TCEA1: variants seen among roughly 807,000 people sequenced by gnomAD.
TCEA1 encodes transcription elongation factor A1.
TCEA1 carries 21 observed loss-of-function variants against 43.8 expected under a neutral mutation model. The ratio of observed to expected loss-of-function variants is 0.48; its 90% CI spans 0.34 to 0.69. TCEA1 has a LOEUF of 0.69. Ranked by LOEUF, TCEA1 falls within the 30% of genes least tolerant of loss-of-function variation. The pLI, the probability that TCEA1 is intolerant of heterozygous loss-of-function variation, is 0.01. For missense variants in TCEA1, 250 were observed against 365.1 expected, an observed-to-expected ratio of 0.68 and a Z score of 2.57; for synonymous variants, 104 against 117.5, an observed-to-expected ratio of 0.88 and a Z score of 0.75.
intron 4 of TCEA1, among the ~76,000 whole-genome samples, chr8:53,991,361 C>T (rs895458866): frequency 1.3e-5 from 2 of 151,688 alleles, no homozygotes; most frequent in African/African-American, 4.9e-5. Context: ...CCACTGCATT[C>T]CAGCCTGGGC....
Position 54,003,370 on chromosome 8 carries a change from T to C in TCEA1, c.127-3320A>G, listed in dbSNP as rs183565100. ...AGTGTAGAAATTGACAAGCGTACCC[T>C]AAAGTCCATACAGAAATGCAAAGGA... On this transcript the variant is annotated intron_variant, in intron 2 of 9. Transcript: ENST00000521604. Among the ~76,000 whole-genome samples the C allele has an allele frequency of 7.2e-5, 11 of 152,218 alleles. No homozygotes were observed. The East Asian group carries it at 1.5e-3, about 21-fold the overall frequency.
intron 5 of TCEA1, among the ~76,000 whole-genome samples, chr8:53,987,615 T>C (rs866625021): frequency 6.6e-6 from 1 of 152,196 alleles, no homozygotes; most frequent in Non-Finnish European, 1.5e-5. Context: ...TATTCCTGTA[T>C]ATAAAACTTT....
In TCEA1 at chr8:54,022,247, C is replaced by T. The variant is rs532634837; in HGVS notation, c.-122G>A. 5.8e-6 allele frequency: 7 copies of T among 1,213,430 alleles called. No homozygotes were observed. The highest frequency in any genetic ancestry group is 8.3e-6 in the Non-Finnish European group (7 of 846,368). The allele number at this position is 1,213,430 out of a possible 1,614,324, so 75.2% of individuals were successfully genotyped here. ...CAACCCCCACCACCGCAGGCCCGGGCCTAGGCCCCCTTCCTTACGAACGAA... is the reference window on the plus strand; with the variant it reads ...CAACCCCCACCACCGCAGGCCCGGGTCTAGGCCCCCTTCCTTACGAACGAA... On this transcript the variant is annotated 5_prime_UTR_variant, in exon 1 of 10. Transcript: ENST00000521604.
intron 1 of TCEA1, among the ~76,000 whole-genome samples, chr8:54,015,314 C>T (rs1336105226): frequency 1.3e-5 from 2 of 151,820 alleles, no homozygotes; most frequent in Admixed American, 6.6e-5. Flanking sequence ...GGACTACAGG[C>T]GCCCACCACC....
At chr8:53,992,648 G>C (rs1196444315) in intron 4 of TCEA1, among the ~76,000 whole-genome samples, 8 of 152,170 alleles carry the variant, frequency 5.3e-5, no homozygotes, top group Non-Finnish European at 1.2e-4. Context: ...CAGAATTCCT[G>C]ATTCAGTAGT....
chr8:54,004,185 G>A (rs1422484505), intron 2 of TCEA1, among the ~76,000 whole-genome samples: 1 of 152,162 alleles, frequency 6.6e-6, no homozygotes, highest in Non-Finnish European at 1.5e-5. Flanking sequence ...ACTGCTACTA[G>A]GGATATAAAA....
intron 2 of TCEA1, 76 bp downstream of exon 2, chr8:54,010,354 A>C (rs1804612432): frequency 9.0e-7 from 1 of 1,111,974 alleles, no homozygotes; most frequent in Non-Finnish European, 1.3e-6. Flanking sequence ...CTACAAAAAC[A>C]TATTGGTACT....
chr8:54,005,671 C>A (rs1045684957), intron 2 of TCEA1, among the ~76,000 whole-genome samples: 4 of 152,160 alleles, frequency 2.6e-5, no homozygotes, highest in African/African-American at 9.7e-5. Flanking sequence ...TATAGGCTGT[C>A]TTTCATTAAC....
At chr8:53,998,703 C>T (rs1804148158) in intron 3 of TCEA1, among the ~76,000 whole-genome samples, 1 of 152,086 alleles carries the variant, frequency 6.6e-6, no homozygotes, top group Admixed American at 6.6e-5. Flanking sequence ...ATTTGTTGGG[C>T]TAGGACCCTA....
At chr8:53,994,793 C>T (rs1292667970) in intron 3 of TCEA1, among the ~76,000 whole-genome samples, 2 of 151,782 alleles carry the variant, frequency 1.3e-5, no homozygotes, top group African/African-American at 4.8e-5. Flanking sequence ...ATAGCTTGAA[C>T]CCAGGAGGCG....
intron 7 of TCEA1, among the ~76,000 whole-genome samples, 179 bp downstream of exon 7, chr8:53,984,184 G>A (rs929803625): frequency 1.5e-4 from 23 of 152,196 alleles, no homozygotes; most frequent in Non-Finnish European, 1.2e-4. Flanking sequence ...GTTGGAGGGG[G>A]AGCAAAGTAC....
chr8:53,995,192 C>A (rs531491784), intron 3 of TCEA1, among the ~76,000 whole-genome samples: 1 of 150,076 alleles, frequency 6.7e-6, no homozygotes, highest in African/African-American at 2.5e-5. Flanking sequence ...TCCCAGCTAA[C>A]GCTGAGGCAG....
intron 7 of TCEA1, among the ~76,000 whole-genome samples, chr8:53,981,040 C>T (rs556703285): frequency 5.9e-5 from 9 of 152,152 alleles, no homozygotes; most frequent in Non-Finnish European, 1.2e-4. Context: ...AAGCCAAAGC[C>T]TAATCCAGAA....
intron 1 of TCEA1, among the ~76,000 whole-genome samples, chr8:54,015,058 G>C (rs1022383284): frequency 6.6e-6 from 1 of 152,150 alleles, no homozygotes; most frequent in African/African-American, 2.4e-5. Context: ...CCATAAGCCA[G>C]CATTTTCAGT....
At chr8:53,978,012 T>C (rs1008504385) in intron 8 of TCEA1, among the ~76,000 whole-genome samples, 2 of 152,230 alleles carry the variant, frequency 1.3e-5, no homozygotes, top group African/African-American at 4.8e-5. Context: ...TTAATTCTTA[T>C]ATTTTATAAA....
chr8:53,989,343 T>G (rs1803797231), intron 4 of TCEA1, among the ~76,000 whole-genome samples: 1 of 152,206 alleles, frequency 6.6e-6, no homozygotes. Context: ...TTAAGCTTTA[T>G]CACATTGAAA....
chr8:53,980,641 G>A lies in TCEA1; in HGVS notation c.679-1470C>T, dbSNP rs1045008821. Among the ~76,000 whole-genome samples, 3 of 151,864 alleles carry A rather than the reference G, an allele frequency of 2.0e-5. 1 individual carries two copies. Among genetic ancestry groups the A allele is most frequent in the African/African-American group, 7.3e-5 (3 of 41,326 alleles). The stretch of plus-strand genomic sequence containing the variant: ...GCTTGACAAATGCTGTGTGTGTTCC[G>A]ACTGCTCCACTCTTTCCCCGTCTCT... On this transcript the variant is annotated intron_variant, in intron 7 of 9. Coordinates refer to ENST00000521604, the MANE Select transcript of TCEA1 (RefSeq NM_006756.4).
In TCEA1 at chr8:54,022,282, G is replaced by T; in HGVS notation, c.-157C>A. On this transcript the variant is annotated 5_prime_UTR_variant, in exon 1 of 10. Transcript: ENST00000521604. ...CTTCCTTACGAACGAAGCCCGCGGCGGCGGCGGCGGCGGCGGCGGCTCCGG... is the reference window on the plus strand; with the variant it reads ...CTTCCTTACGAACGAAGCCCGCGGCTGCGGCGGCGGCGGCGGCGGCTCCGG... 1 of 777,084 alleles carries T rather than the reference G, an allele frequency of 1.3e-6. No individual in the cohort carries two copies. The highest frequency in any genetic ancestry group is 2.1e-6 in the Non-Finnish European group (1 of 482,286). The allele number at this position is 777,084 out of a possible 1,614,324, so 48.1% of individuals were successfully genotyped here. A position where few individuals can be genotyped will look rare whatever the true frequency, so the allele number is the denominator to read the frequency against.
At chr8:53,992,721 G>C (rs1803919081) in intron 4 of TCEA1, among the ~76,000 whole-genome samples, 2 of 152,138 alleles carry the variant, frequency 1.3e-5, no homozygotes, top group African/African-American at 4.8e-5. Context: ...CTCTTCCAGG[G>C]ACCACACTTT....
Sources: gnomAD v4.1 joint callset for allele counts (sites outside exome capture counted in the v4.1 genomes callset) on GRCh38, gnomAD v4.1.1 for gene constraint, MANE v1.5 for transcripts, NCBI Gene and HGNC (gene_info 2026-07-23, HGNC 2026-07-21) for gene names.